Variants in OR10K1 observed in about 807,000 individuals in gnomAD.
OR10K1 encodes the protein olfactory receptor family 10 subfamily K member 1, also known as olfactory receptor 10K1.
For missense variants in OR10K1, 404 were observed against 373.3 expected (o/e 1.08, Z -0.68); for synonymous variants, 186 against 152.5 (o/e 1.22, Z -1.62).
At chr1:158,465,202 T>C (rs960167324) in intron 1 of OR10K1, among the ~76,000 whole-genome samples, 5 of 152,254 alleles carry the variant, frequency 3.3e-5, no homozygotes, top group Admixed American at 3.3e-4. Context: ...TAGCTGAAGT[T>C]AACGTTTTCC....
rs770937428 is a variant in OR10K1 at position 158,465,595 on chromosome 1, T to A, written c.34T>A (p.Phe12Ile). 4 of 1,613,928 alleles carry A rather than the reference T, an allele frequency of 2.5e-6. No individual in the cohort carries two copies. In the African/African-American group the frequency reaches 4.0e-5, roughly 16 times the overall value. Residue 12 changes from phenylalanine (F) to isoleucine (I), a missense_variant, in exon 2 of 2, where the codon TTC becomes ATC. Physicochemically the swap from Phe to Ile is conservative, Grantham distance 21. Transcript: ENST00000641535. ...EQVNKTVVRE[F>I]VVLGFSSLAR... is the part of the protein sequence containing the mutation. ...AGTCAATAAGACTGTGGTGAGAGAG[T>A]TCGTCGTCCTCGGCTTCTCATCCCT...
rs962957280 is a variant in OR10K1, at chr1:158,467,071, T to C, written c.*568T>C. The C allele has an allele frequency of 6.5e-6, 1 of 153,424 alleles. No individual in the cohort carries two copies. Among genetic ancestry groups the C allele is most frequent in the Non-Finnish European group, 1.4e-5 (1 of 69,060 alleles). 9.5% of individuals were successfully genotyped at this position (153,424 alleles called of 1,614,324 possible). On this transcript the variant is annotated 3_prime_UTR_variant, in exon 2 of 2. Coordinates refer to ENST00000641535, the MANE Select transcript of OR10K1 (RefSeq NM_001004473.2). ...TTGGGGTTGTTTTGTTCTTCCTTTG[T>C]TTGAGGTGGAACCACTTTATGGTTC... is the stretch of plus-strand genomic sequence containing the variant.
rs773217188 is a variant in OR10K1 at position 158,465,612 on chromosome 1, C to G, written c.51C>G (p.Phe17Leu). ...TVVREFVVLGFSSLARLQQLL... is the reference protein window; with the variant it reads ...TVVREFVVLGLSSLARLQQLL... The stretch of plus-strand genomic sequence containing the variant: ...TGAGAGAGTTCGTCGTCCTCGGCTT[C>G]TCATCCCTGGCCAGGCTGCAGCAGC... The change falls in exon 2 of 2, where the codon TTC (phenylalanine) becomes TTG (leucine). Residue 17 changes from phenylalanine to leucine, a missense_variant. By Grantham distance (22) the Phe-to-Leu change is conservative. Transcript: ENST00000641535. 2.5e-6 allele frequency: 4 copies of G among 1,614,126 alleles called. No homozygotes were observed. The African/African-American group carries it at 5.3e-5, about 22-fold the overall frequency.
Position 158,465,887 on chromosome 1 carries a change from C to G in OR10K1, c.326C>G (p.Ser109Cys), listed in dbSNP as rs1656025117. 3.1e-6 allele frequency: 5 copies of G among 1,614,170 alleles called. No individual in the cohort carries two copies. The highest frequency in any genetic ancestry group is 4.2e-6 in the Non-Finnish European group (5 of 1,180,026). Reference sequence around the variant, plus strand: ...ATGTTTTCCTTCCTCTTCTTTGGCTCCTCTCACTCCTTCCTGCTGGCAGCC... The same window carrying G: ...ATGTTTTCCTTCCTCTTCTTTGGCTGCTCTCACTCCTTCCTGCTGGCAGCC... ...IQMFSFLFFG[S>C]SHSFLLAAMG... is the part of the protein sequence containing the mutation. Residue 109 changes from serine (S) to cysteine (C), a missense_variant, in exon 2 of 2, where the codon TCC (serine) becomes TGC (cysteine). Physicochemically the swap from Ser to Cys is moderately radical, Grantham distance 112. Transcript: ENST00000641535.
chr1:158,466,673 T>C lies in OR10K1; in HGVS notation c.*170T>C. ...CAGTCTGGCTTTCTACTCTCCATGA[T>C]ACTTTAACAAGACTAATCAGATATG... On this transcript the variant is annotated 3_prime_UTR_variant, in exon 2 of 2. Transcript: ENST00000641535. 1 of 602,436 alleles carries C rather than the reference T, an allele frequency of 1.7e-6. No homozygotes were observed. Among genetic ancestry groups the C allele is most frequent in the Admixed American group, 3.1e-5 (1 of 32,504 alleles). 37.3% of individuals were successfully genotyped at this position (602,436 alleles called of 1,614,324 possible).
At chr1:158,464,241 G>T (rs951997728) in intron 1 of OR10K1, among the ~76,000 whole-genome samples, 12 of 152,270 alleles carry the variant, frequency 7.9e-5, no homozygotes, top group Admixed American at 7.8e-4. Flanking sequence ...ATTAGGTTGG[G>T]TTATTGAAAA....
rs374379860 is a variant in OR10K1 at position 158,466,547 on chromosome 1, G to T, written c.*44G>T. 4.2e-5 allele frequency: 50 copies of T among 1,194,820 alleles called. No individual in the cohort carries two copies. In the African/African-American group the frequency reaches 7.0e-4, roughly 17 times the overall value. The allele number at this position is 1,194,820 out of a possible 1,614,324, so 74.0% of individuals were successfully genotyped here. ...ACTAATGCCTAGTACATGCCAGGCA[G>T]AACGTGTGTTTTATACATTTTTTTT... On this transcript the variant is annotated 3_prime_UTR_variant, in exon 2 of 2. Coordinates refer to ENST00000641535, the MANE Select transcript of OR10K1 (RefSeq NM_001004473.2).
rs1440084604 is a variant in OR10K1, at chr1:158,467,039, C to T, written c.*536C>T. Reference sequence around the variant, plus strand: ...TAACCTACATATTGAAATATCTTGGCCTTTACTTGGGGTTGTTTTGTTCTT... The same window carrying T: ...TAACCTACATATTGAAATATCTTGGTCTTTACTTGGGGTTGTTTTGTTCTT... On this transcript the variant is annotated 3_prime_UTR_variant, in exon 2 of 2. Transcript: ENST00000641535. The T allele has an allele frequency of 6.5e-6, 1 of 153,282 alleles. No individual in the cohort carries two copies. Among genetic ancestry groups the T allele is most frequent in the Non-Finnish European group, 1.4e-5 (1 of 69,016 alleles). The allele number at this position is 153,282 out of a possible 1,614,324, so 9.5% of individuals were successfully genotyped here.
At chr1:158,463,746 T>C (rs1205992726) in intron 1 of OR10K1, among the ~76,000 whole-genome samples, 1 of 152,208 alleles carries the variant, frequency 6.6e-6, no homozygotes, top group Non-Finnish European at 1.5e-5. Context: ...CAGGAAATCA[T>C]TTGTCCAGAA....
chr1:158,463,248 T>C (rs1281401419), intron 1 of OR10K1, among the ~76,000 whole-genome samples: 3 of 152,174 alleles, frequency 2.0e-5, no homozygotes, highest in African/African-American at 7.2e-5. Flanking sequence ...CTTGAACGTA[T>C]TTTGTAGGAT....
rs145310449 is a variant in OR10K1, at chr1:158,466,490, A to G, written c.929A>G (p.Tyr310Cys). 65 of 1,611,906 alleles carry G rather than the reference A, an allele frequency of 4.0e-5. No individual in the cohort carries two copies. In the African/African-American group the frequency reaches 7.6e-4, roughly 19 times the overall value. Residue 310 changes from tyrosine to cysteine, a missense_variant, in exon 2 of 2, where the codon TAT (tyrosine) becomes TGT (cysteine). Transcript: ENST00000641535. Reference protein sequence around the residue: ...ALRRTIGQTFYPLS With the variant: ...ALRRTIGQTFCPLS ...CGAAGAACAATCGGCCAAACTTTCTATCCTCTTAGTTAAAGAGCTATTTTT... is the reference window on the plus strand; with the variant it reads ...CGAAGAACAATCGGCCAAACTTTCTGTCCTCTTAGTTAAAGAGCTATTTTT...
chr1:158,464,405 G>A (rs1219222143), intron 1 of OR10K1, among the ~76,000 whole-genome samples: 1 of 152,104 alleles, frequency 6.6e-6, no homozygotes, highest in East Asian at 1.9e-4. Context: ...CAGCAGGAGA[G>A]GGGAAACTGG....
At chr1:158,464,142 T>G (rs1655984916) in intron 1 of OR10K1, among the ~76,000 whole-genome samples, 1 of 152,144 alleles carries the variant, frequency 6.6e-6, no homozygotes, top group Non-Finnish European at 1.5e-5. Flanking sequence ...GACAAAATGA[T>G]GTAGTAACTT....
At chr1:158,464,003 T>C (rs747983818) in intron 1 of OR10K1, among the ~76,000 whole-genome samples, 11 of 152,134 alleles carry the variant, frequency 7.2e-5, no homozygotes, top group Non-Finnish European at 1.3e-4. Flanking sequence ...TATGAATAGA[T>C]ATAATGAATT....
At chr1:158,463,426 T>A (rs1055832811) in intron 1 of OR10K1, among the ~76,000 whole-genome samples, 2 of 152,192 alleles carry the variant, frequency 1.3e-5, no homozygotes, top group African/African-American at 4.8e-5. Flanking sequence ...CATGATTCAT[T>A]TAGGCTATGG....
In OR10K1 at chr1:158,465,900, C is replaced by T. The variant is rs1273485650; in HGVS notation, c.339C>T (p.Phe113=). 1 of 1,614,184 alleles carries T rather than the reference C, an allele frequency of 6.2e-7. No homozygotes were observed. The highest frequency in any genetic ancestry group is 2.2e-5 in the East Asian group (1 of 44,882). Reference sequence around the variant, plus strand: ...TCTTCTTTGGCTCCTCTCACTCCTTCCTGCTGGCAGCCATGGGCTATGATC... The same window carrying T: ...TCTTCTTTGGCTCCTCTCACTCCTTTCTGCTGGCAGCCATGGGCTATGATC... The part of the protein sequence containing the change: ...SFLFFGSSHS[F]LLAAMGYDRY... Residue 113 remains phenylalanine (F), a synonymous_variant, in exon 2 of 2, where the codon TTC becomes TTT. Transcript: ENST00000641535.
At chr1:158,463,124 T>TA (rs5778077) in intron 1 of OR10K1, among the ~76,000 whole-genome samples, 56,119 of 149,936 alleles carry the variant, frequency 0.37, 10,725 homozygotes, top group Non-Finnish European at 0.43. Flanking sequence ...TCCCTTTAAT[T>TA]AAAAAAAAAA....
At chr1:158,464,158 G>A (rs1655985188) in intron 1 of OR10K1, among the ~76,000 whole-genome samples, 1 of 152,142 alleles carries the variant, frequency 6.6e-6, no homozygotes, top group South Asian at 2.1e-4. Flanking sequence ...AACTTCAGAA[G>A]TATATAAATG....
Position 158,465,720 on chromosome 1 carries a change from A to G in OR10K1, c.159A>G (p.Arg53=), listed in dbSNP as rs1557872555. 2 of 1,614,150 alleles carry G rather than the reference A, an allele frequency of 1.2e-6. No homozygotes were observed. Among genetic ancestry groups the G allele is most frequent in the Non-Finnish European group, 1.7e-6 (2 of 1,180,014 alleles). ...AIIISTIVLD[R]ALHTPMYFFL... ...TCATTTCCACCATTGTGCTGGACAG[A>G]GCCCTTCATACTCCCATGTACTTCT... Residue 53 remains arginine, a synonymous_variant, in exon 2 of 2, where the codon AGA becomes AGG. Coordinates refer to ENST00000641535, the MANE Select transcript of OR10K1 (RefSeq NM_001004473.2).
Sources: gnomAD v4.1 joint callset for allele counts (sites outside exome capture counted in the v4.1 genomes callset) on GRCh38, gnomAD v4.1.1 for gene constraint, MANE v1.5 for transcripts, NCBI Gene and HGNC (gene_info 2026-07-23, HGNC 2026-07-21) for gene names.